Variants in XPR1 observed in about 807,000 individuals in gnomAD.
XPR1 encodes solute carrier family 53 member 1.
In XPR1, 28 loss-of-function variants were observed where a neutral mutation model predicts 87.5. The ratio of observed to expected loss-of-function variants is 0.32; its 90% CI spans 0.24 to 0.44. The LOEUF is 0.44. Among genes scored for constraint, XPR1 ranks in the 20% least tolerant of loss-of-function variants. The probability of loss-of-function intolerance (pLI) is 1.00; values close to 1 mark genes in which losing one functional copy is unlikely to be tolerated. For missense variants in XPR1, 559 were observed against 862.3 expected (o/e 0.65, Z 4.41); for synonymous variants, 300 against 306.1 (o/e 0.98, Z 0.21).
At chr1:180,667,242 G>GT (rs972314271) in intron 1 of XPR1, among the ~76,000 whole-genome samples, 2 of 152,124 alleles carry the variant, frequency 1.3e-5, no homozygotes, top group Admixed American at 6.5e-5. Flanking sequence ...TTCATTGTGG[G>GT]TTTTTCAGAT....
At chr1:180,784,004 G>A (rs749602399) in intron 2 of XPR1, among the ~76,000 whole-genome samples, 3 of 151,730 alleles carry the variant, frequency 2.0e-5, no homozygotes, top group African/African-American at 7.3e-5. Flanking sequence ...GCAGTGAGCC[G>A]AGATCATGCT....
intron 10 of XPR1, 91 bp from the exon 11 acceptor site, chr1:180,836,431 T>C: frequency 7.0e-7 from 1 of 1,424,088 alleles, no homozygotes; most frequent in East Asian, 2.3e-5. Flanking sequence ...TTTGCTTTTT[T>C]AGACTTGGTA....
intron 7 of XPR1, among the ~76,000 whole-genome samples, 190 bp from the exon 8 acceptor site, chr1:180,824,563 G>A (rs2102151481): frequency 6.6e-6 from 1 of 152,260 alleles, no homozygotes; most frequent in South Asian, 2.1e-4. Flanking sequence ...CCTGGCAACA[G>A]GGTGAGACTG....
chr1:180,726,911 G>T (rs1658372527), intron 2 of XPR1, among the ~76,000 whole-genome samples: 1 of 145,862 alleles, frequency 6.9e-6, no homozygotes, highest in Non-Finnish European at 1.5e-5. Flanking sequence ...GTCTCGCTTT[G>T]GCGCCTAGGC....
chr1:180,863,826 T>C lies in XPR1; in HGVS notation c.1620T>C (p.Asn540=). 6.2e-7 allele frequency: 1 copy of C among 1,611,376 alleles called. No homozygotes were observed. Among genetic ancestry groups the C allele is most frequent in the Non-Finnish European group, 8.5e-7 (1 of 1,179,062 alleles). The change falls in exon 12 of 15, where the codon AAT becomes AAC. Residue 540 remains asparagine, a synonymous_variant. Coordinates refer to ENST00000367590, the MANE Select transcript of XPR1 (RefSeq NM_004736.4). ...LKMDWGLFDK[N]AGENTFLREE... The stretch of plus-strand genomic sequence containing the variant: ...TGGACTGGGGTCTCTTCGATAAGAA[T>C]GCTGGAGAGAACACTTTCCTCCGGG...
intron 2 of XPR1, among the ~76,000 whole-genome samples, chr1:180,694,785 A>ACACC (rs1444202551): frequency 6.6e-6 from 1 of 151,954 alleles, no homozygotes; most frequent in Non-Finnish European, 1.5e-5. Context: ...ACACACACAC[A>ACACC]CACACACACA....
intron 1 of XPR1, among the ~76,000 whole-genome samples, chr1:180,644,154 C>T (rs1375140957): frequency 6.6e-6 from 1 of 152,074 alleles, no homozygotes; most frequent in East Asian, 1.9e-4. Flanking sequence ...TACGTTTTTC[C>T]TGTCACCAAG....
intron 2 of XPR1, among the ~76,000 whole-genome samples, chr1:180,766,206 A>G (rs899277691): frequency 2.0e-5 from 3 of 152,202 alleles, no homozygotes; most frequent in Non-Finnish European, 4.4e-5. Context: ...TATGAGACCA[A>G]TGAGGCAATA....
At chr1:180,833,524 A>G (rs1253318920) in intron 9 of XPR1, among the ~76,000 whole-genome samples, 1 of 152,178 alleles carries the variant, frequency 6.6e-6, no homozygotes, top group Non-Finnish European at 1.5e-5. Context: ...CACAAAAAAA[A>G]CAGGGGTTGC....
At chr1:180,643,791 A>G (rs930629344) in intron 1 of XPR1, among the ~76,000 whole-genome samples, 1 of 152,082 alleles carries the variant, frequency 6.6e-6, no homozygotes, top group Non-Finnish European at 1.5e-5. Flanking sequence ...AGAAGAGTGG[A>G]TTTGAAATTT....
Position 180,686,264 on chromosome 1 carries a change from C to T in XPR1, c.121+3853C>T, listed in dbSNP as rs531347599. 5.3e-5 allele frequency among the ~76,000 whole-genome samples: 8 copies of T among 152,198 alleles called. No homozygotes were observed. In the East Asian group the frequency reaches 1.5e-3, roughly 29 times the overall value. The stretch of plus-strand genomic sequence containing the variant: ...TATGTACCCAGTAGTCATTCAGGAG[C>T]AGGTTGTTCAGTTTCCATGTAGTTG... On this transcript the variant is annotated intron_variant, in intron 2 of 14. Coordinates refer to ENST00000367590, the MANE Select transcript of XPR1 (RefSeq NM_004736.4).
At chr1:180,761,750 A>C (rs1269608362) in intron 2 of XPR1, among the ~76,000 whole-genome samples, 4 of 152,132 alleles carry the variant, frequency 2.6e-5, no homozygotes. Flanking sequence ...ATACCATTTG[A>C]CCCAGCCATC....
intron 2 of XPR1, among the ~76,000 whole-genome samples, chr1:180,763,905 A>G (rs1218425757): frequency 2.6e-5 from 4 of 152,194 alleles, no homozygotes; most frequent in African/African-American, 4.8e-5. Context: ...GTACACAATA[A>G]CCCTTTAATC....
intron 11 of XPR1, among the ~76,000 whole-genome samples, chr1:180,851,234 AAGG>A (rs1357449530): frequency 1.3e-5 from 2 of 152,188 alleles, no homozygotes; most frequent in Non-Finnish European, 2.9e-5. Context: ...TACTGGTTCA[AAGG>A]AGAGACAATA....
At chr1:180,788,293 C>T (rs188689793) in intron 3 of XPR1, among the ~76,000 whole-genome samples, 4 of 152,146 alleles carry the variant, frequency 2.6e-5, no homozygotes, top group East Asian at 1.9e-4. Flanking sequence ...GTATGCCACT[C>T]GAATGTGAGA....
chr1:180,880,423 C>A, intron 14 of XPR1, 126 bp downstream of exon 14: 3 of 998,070 alleles, frequency 3.0e-6, no homozygotes, highest in South Asian at 1.6e-5. Flanking sequence ...TTTTCACCTA[C>A]AAAAAAACAG....
chr1:180,696,202 G>GTATA (rs1483808394), intron 2 of XPR1, among the ~76,000 whole-genome samples: 327 of 106,194 alleles, frequency 3.1e-3, no homozygotes, highest in Middle Eastern at 9.8e-3. Flanking sequence ...GTGTGTGTGT[G>GTATA]TGTGTGTATA....
intron 1 of XPR1, among the ~76,000 whole-genome samples, chr1:180,667,492 T>C (rs1354193214): frequency 6.6e-6 from 1 of 152,136 alleles, no homozygotes; most frequent in Non-Finnish European, 1.5e-5. Context: ...ATGATGCTGA[T>C]TTTGGTTTTC....
At chr1:180,827,945 C>A (rs1650913109) in intron 9 of XPR1, among the ~76,000 whole-genome samples, 1 of 149,188 alleles carries the variant, frequency 6.7e-6, no homozygotes, top group African/African-American at 2.5e-5. Flanking sequence ...GGCGTGATCT[C>A]AGCTCACTGC....
Sources: gnomAD v4.1 joint callset for allele counts (sites outside exome capture counted in the v4.1 genomes callset) on GRCh38, gnomAD v4.1.1 for gene constraint, MANE v1.5 for transcripts, NCBI Gene and HGNC (gene_info 2026-07-23, HGNC 2026-07-21) for gene names.